Variants in DNAH7 observed in about 807,000 individuals in gnomAD.
DNAH7 encodes the protein axonemal beta dynein heavy chain 7.
A neutral mutation model predicts 444.6 loss-of-function variants in DNAH7; 397 were observed. That is an observed-to-expected ratio of 0.89 (90% CI 0.82 to 0.97). DNAH7 has a LOEUF of 0.97. Among genes scored for constraint, DNAH7 ranks in the 50% least tolerant of loss-of-function variants. DNAH7 has a pLI of 0.00. For missense variants in DNAH7, 4,902 were observed against 4,800.8 expected (o/e 1.02, Z -0.62); for synonymous variants, 1,636 against 1,624.4 (o/e 1.01, Z -0.17).
intron 36 of DNAH7, among the ~76,000 whole-genome samples, chr2:195,880,093 G>T (rs1701287903): frequency 6.6e-6 from 1 of 151,912 alleles, no homozygotes; most frequent in Admixed American, 6.6e-5. Flanking sequence ...ACTTTAAATT[G>T]TAACCCTATA....
intron 36 of DNAH7, among the ~76,000 whole-genome samples, chr2:195,878,977 G>A (rs1342681322): frequency 6.6e-6 from 1 of 152,044 alleles, no homozygotes; most frequent in Non-Finnish European, 1.5e-5. Context: ...AAAAACTGTA[G>A]ACTTTAGAAA....
chr2:195,963,420 T>C (rs146027021), intron 17 of DNAH7, among the ~76,000 whole-genome samples: 2 of 152,344 alleles, frequency 1.3e-5, no homozygotes, highest in East Asian at 1.9e-4. Flanking sequence ...TTTTGTGACA[T>C]GTCTCTTCAC....
At chr2:196,029,387 G>C (rs1695893750) in intron 5 of DNAH7, among the ~76,000 whole-genome samples, 2 of 151,988 alleles carry the variant, frequency 1.3e-5, no homozygotes, top group Admixed American at 1.3e-4. Flanking sequence ...GGCAAGGGTG[G>C]GTGAGGAGGT....
At chr2:195,958,141 T>C (rs1053572062) in intron 18 of DNAH7, among the ~76,000 whole-genome samples, 1 of 152,036 alleles carries the variant, frequency 6.6e-6, no homozygotes, top group African/African-American at 2.4e-5. Flanking sequence ...ACATGGACTT[T>C]GCCTGACTCT....
Position 195,738,039 on chromosome 2 carries a change from A to G in DNAH7, c.11957T>C (p.Val3986Ala). 1.2e-6 allele frequency: 2 copies of G among 1,613,752 alleles called. No individual in the cohort carries two copies. The highest frequency in any genetic ancestry group is 1.7e-6 in the Non-Finnish European group (2 of 1,179,876). Residue 3986 changes from valine (V) to alanine (A), a missense_variant, in exon 65 of 65, where the codon GTA becomes GCA. Transcript: ENST00000312428. ...PLYKTSERRG[V>A]LSTTGHSTNF... is the part of the protein sequence containing the mutation. ...CGTGGAATGGCCAGTGGTGGATAAT[A>G]CTCCTCTCCGCTCACTTGTCTTATA... is the stretch of plus-strand genomic sequence containing the variant.
At chr2:195,988,808 T>G (rs939629950) in intron 12 of DNAH7, among the ~76,000 whole-genome samples, 2 of 152,104 alleles carry the variant, frequency 1.3e-5, no homozygotes, top group South Asian at 4.1e-4. Context: ...AACTTTGTAC[T>G]CAATTACCAA....
intron 22 of DNAH7, 54 bp from the exon 23 acceptor site, chr2:195,923,861 A>C: frequency 6.7e-7 from 1 of 1,500,812 alleles, no homozygotes; most frequent in East Asian, 2.3e-5. Context: ...AATTATTTTG[A>C]ACAAAACATT....
At chr2:195,888,546 T>A in intron 32 of DNAH7, 112 bp from the exon 33 acceptor site, 1 of 1,114,474 alleles carries the variant, frequency 9.0e-7, no homozygotes, top group Admixed American at 3.3e-5. Flanking sequence ...GGGGGAAGCT[T>A]AATATTATAT....
At chr2:195,844,882 C>A in intron 47 of DNAH7, 120 bp downstream of exon 47, 1 of 791,930 alleles carries the variant, frequency 1.3e-6, no homozygotes, top group South Asian at 2.0e-5. Flanking sequence ...CTTAATTTCA[C>A]TAATTAGTTA....
rs756215037 is a variant in DNAH7, at chr2:195,960,891, G to T, written c.2260C>A (p.Pro754Thr). 6.2e-7 allele frequency: 1 copy of T among 1,612,480 alleles called. No individual in the cohort carries two copies. The change falls in exon 18 of 65, where the codon CCT becomes ACT. Residue 754 changes from proline to threonine, a missense_variant. By Grantham distance (38) the Pro-to-Thr change is conservative. Transcript: ENST00000312428. The stretch of plus-strand genomic sequence containing the variant: ...CCATCTTGGATTTTTTTACGTTGAG[G>T]ATATACAGATGGTAGCCAACCAAAT... ...EAFGWLPSVY[P>T]QRKKIQDGLN...
chr2:195,859,881 G>A (rs1699922328), intron 42 of DNAH7, among the ~76,000 whole-genome samples: 1 of 152,082 alleles, frequency 6.6e-6, no homozygotes, highest in African/African-American at 2.4e-5. Flanking sequence ...CCCAAGTGAC[G>A]CTTTGCTAGC....
chr2:196,061,806 G>A (rs1698152285), intron 1 of DNAH7, among the ~76,000 whole-genome samples: 1 of 152,158 alleles, frequency 6.6e-6, no homozygotes, highest in African/African-American at 2.4e-5. Context: ...TTACATACCT[G>A]AATCTATTCT....
intron 5 of DNAH7, among the ~76,000 whole-genome samples, chr2:196,029,671 G>A (rs1281447963): frequency 6.6e-6 from 1 of 152,082 alleles, no homozygotes; most frequent in African/African-American, 2.4e-5. Context: ...TGTCAGAGAG[G>A]TTTAAATAAC....
chr2:195,986,726 A>G (rs531424933), intron 14 of DNAH7, among the ~76,000 whole-genome samples: 1 of 152,330 alleles, frequency 6.6e-6, no homozygotes, highest in African/African-American at 2.4e-5. Flanking sequence ...CATAACAACT[A>G]CTATGTAAAT....
chr2:195,858,915 G>T, intron 42 of DNAH7, 111 bp from the exon 43 acceptor site: 1 of 857,178 alleles, frequency 1.2e-6, no homozygotes, highest in Non-Finnish European at 1.8e-6. Flanking sequence ...TAACTACGGA[G>T]TGGTCTAAAA....
intron 6 of DNAH7, 37 bp downstream of exon 6, chr2:196,027,923 C>G (rs1183638579): frequency 6.3e-7 from 1 of 1,580,256 alleles, no homozygotes; most frequent in East Asian, 2.3e-5. Flanking sequence ...TGTTTCTTTC[C>G]TTTTCAATTA....
intron 21 of DNAH7, among the ~76,000 whole-genome samples, chr2:195,931,369 G>A (rs886423743): frequency 1.5e-4 from 23 of 151,860 alleles, no homozygotes; most frequent in Non-Finnish European, 2.6e-4. Context: ...CCATTCTGTA[G>A]GTTGCCTGTT....
At chr2:195,990,775 TTGTG>T (rs140976714) in intron 12 of DNAH7, among the ~76,000 whole-genome samples, 17,624 of 132,740 alleles carry the variant, frequency 0.13, 1,372 homozygotes, top group Middle Eastern at 0.27. Flanking sequence ...TATAGCTTTG[TTGTG>T]TGTGTGTGTG....
chr2:195,971,111 AAG>A (rs1327207213), intron 16 of DNAH7, among the ~76,000 whole-genome samples: 1 of 152,222 alleles, frequency 6.6e-6, no homozygotes, highest in East Asian at 1.9e-4. Context: ...GTTTAAAATG[AAG>A]AGTTTTTTAA....
Sources: gnomAD v4.1 joint callset for allele counts (sites outside exome capture counted in the v4.1 genomes callset) on GRCh38, gnomAD v4.1.1 for gene constraint, MANE v1.5 for transcripts, NCBI Gene and HGNC (gene_info 2026-07-23, HGNC 2026-07-21) for gene names.